LRRTM3: variants seen among roughly 807,000 people sequenced by gnomAD.
LRRTM3 encodes leucine-rich repeat transmembrane neuronal protein 3.
In LRRTM3, 24 loss-of-function variants were observed where a neutral mutation model predicts 44.7. The ratio of observed to expected loss-of-function variants is 0.54; its 90% CI spans 0.39 to 0.76. LRRTM3 has a LOEUF of 0.76. LRRTM3 is among the 30% of genes least tolerant of loss of function. The probability of loss-of-function intolerance (pLI) is 0.00; values close to 1 mark genes in which losing one functional copy is unlikely to be tolerated. For synonymous variants in LRRTM3, 277 were observed against 278.7 expected (o/e 0.99, Z 0.06); for missense variants, 587 against 702.2 (o/e 0.84, Z 1.85).
intron 2 of LRRTM3, among the ~76,000 whole-genome samples, chr10:66,933,030 C>T (rs2132648113): frequency 6.6e-6 from 1 of 152,284 alleles, no homozygotes; most frequent in East Asian, 1.9e-4. Context: ...ATTGACTGCT[C>T]ATGGTAATTG....
chr10:66,936,291 A>G (rs989018500), intron 2 of LRRTM3, among the ~76,000 whole-genome samples: 2 of 152,136 alleles, frequency 1.3e-5, no homozygotes, highest in South Asian at 4.1e-4. Context: ...AAAATAGCCA[A>G]AAGCTCACAT....
intron 2 of LRRTM3, among the ~76,000 whole-genome samples, chr10:66,953,019 C>A (rs888468286): frequency 2.0e-5 from 3 of 152,020 alleles, no homozygotes; most frequent in African/African-American, 7.2e-5. Context: ...CCACTATGTT[C>A]TTTACCTTCC....
chr10:66,932,042 G>A (rs575817836), intron 2 of LRRTM3, among the ~76,000 whole-genome samples: 1 of 152,236 alleles, frequency 6.6e-6, no homozygotes, highest in South Asian at 2.1e-4. Context: ...CTCCCCTTCC[G>A]GCTTTAGAAC....
chr10:67,005,596 A>T (rs949517475), intron 2 of LRRTM3, among the ~76,000 whole-genome samples: 1 of 151,716 alleles, frequency 6.6e-6, no homozygotes, highest in African/African-American at 2.4e-5. Context: ...TGAATCGGAA[A>T]AAAAGGTATG....
At chr10:67,041,023 A>G (rs1854358215) in intron 2 of LRRTM3, among the ~76,000 whole-genome samples, 1 of 152,134 alleles carries the variant, frequency 6.6e-6, no homozygotes, top group East Asian at 1.9e-4. Flanking sequence ...AGTAGGAGAA[A>G]AAGCAGATCT....
chr10:66,976,398 G>C (rs991319168), intron 2 of LRRTM3, among the ~76,000 whole-genome samples: 1 of 152,028 alleles, frequency 6.6e-6, no homozygotes, highest in Non-Finnish European at 1.5e-5. Context: ...ACATCCTCTC[G>C]ACTCTGGAAC....
At chr10:66,979,754 C>T (rs1564809322) in intron 2 of LRRTM3, among the ~76,000 whole-genome samples, 3 of 152,120 alleles carry the variant, frequency 2.0e-5, no homozygotes, top group Admixed American at 2.0e-4. Flanking sequence ...TACTTTATCA[C>T]TATCATAATA....
intron 2 of LRRTM3, among the ~76,000 whole-genome samples, chr10:66,951,673 T>C (rs779070814): frequency 2.6e-5 from 4 of 152,198 alleles, no homozygotes; most frequent in Non-Finnish European, 5.9e-5. Context: ...TCCTCTCCAT[T>C]AATCCTGAAT....
At chr10:67,059,092 C>T (rs1430891139) in intron 2 of LRRTM3, among the ~76,000 whole-genome samples, 1 of 152,142 alleles carries the variant, frequency 6.6e-6, no homozygotes. Context: ...TCCACTTAGT[C>T]TTGAGAATCT....
At chr10:66,949,415 T>C (rs1323098568) in intron 2 of LRRTM3, among the ~76,000 whole-genome samples, 1 of 151,880 alleles carries the variant, frequency 6.6e-6, no homozygotes, top group East Asian at 1.9e-4. Context: ...AAAATTAGCC[T>C]GGCGTGTTGG....
At chr10:66,929,139 T>C (rs1847233825) in intron 2 of LRRTM3, among the ~76,000 whole-genome samples, 1 of 152,194 alleles carries the variant, frequency 6.6e-6, no homozygotes, top group Admixed American at 6.5e-5. Flanking sequence ...GACAAAAATG[T>C]AAAGTTTTCG....
intron 2 of LRRTM3, among the ~76,000 whole-genome samples, chr10:67,059,622 T>C (rs988742095): frequency 6.6e-6 from 1 of 152,172 alleles, no homozygotes; most frequent in African/African-American, 2.4e-5. Context: ...GTTGTCATAG[T>C]CAGTTTGTTC....
At chr10:66,975,067 T>G (rs1306029403) in intron 2 of LRRTM3, among the ~76,000 whole-genome samples, 1 of 152,138 alleles carries the variant, frequency 6.6e-6, no homozygotes, top group Non-Finnish European at 1.5e-5. Context: ...CCATTAAGAC[T>G]CGCCATTTTG....
At chr10:66,985,342 G>A (rs1850670087) in intron 2 of LRRTM3, among the ~76,000 whole-genome samples, 2 of 152,164 alleles carry the variant, frequency 1.3e-5, no homozygotes, top group Non-Finnish European at 2.9e-5. Flanking sequence ...GTTACCAAGG[G>A]TGAGAGAATA....
At chr10:67,034,227 C>T (rs1853905798) in intron 2 of LRRTM3, among the ~76,000 whole-genome samples, 1 of 152,186 alleles carries the variant, frequency 6.6e-6, no homozygotes, top group Non-Finnish European at 1.5e-5. Flanking sequence ...ACCGGGATCA[C>T]TTTCTTTAAC....
intron 2 of LRRTM3, among the ~76,000 whole-genome samples, chr10:67,085,265 T>G (rs1857239939): frequency 6.6e-6 from 1 of 151,852 alleles, no homozygotes; most frequent in Non-Finnish European, 1.5e-5. Flanking sequence ...GCTGATCACA[T>G]AATAGTAATC....
chr10:66,953,317 T>C (rs1848631616), intron 2 of LRRTM3, among the ~76,000 whole-genome samples: 1 of 152,184 alleles, frequency 6.6e-6, no homozygotes, highest in Non-Finnish European at 1.5e-5. Context: ...CCACCAATAA[T>C]TCAAGTTATT....
intron 2 of LRRTM3, among the ~76,000 whole-genome samples, chr10:66,939,094 C>T (rs995547299): frequency 1.3e-5 from 2 of 152,140 alleles, no homozygotes; most frequent in African/African-American, 4.8e-5. Context: ...GTCTTGGCCT[C>T]TGATTTTACG....
intron 2 of LRRTM3, among the ~76,000 whole-genome samples, chr10:66,986,272 C>A (rs1361482762): frequency 6.6e-6 from 1 of 152,000 alleles, no homozygotes; most frequent in African/African-American, 2.4e-5. Flanking sequence ...CCGAGGCAGG[C>A]AGTTCACTTG....
Sources: gnomAD v4.1 joint callset for allele counts (sites outside exome capture counted in the v4.1 genomes callset) on GRCh38, gnomAD v4.1.1 for gene constraint, MANE v1.5 for transcripts, NCBI Gene and HGNC (gene_info 2026-07-23, HGNC 2026-07-21) for gene names.